Variants in ELMO1 observed in about 807,000 individuals in gnomAD.
ELMO1 encodes the protein engulfment and cell motility 1.
A neutral mutation model predicts 98.9 loss-of-function variants in ELMO1; 26 were observed. That is an observed-to-expected ratio of 0.26 (90% CI 0.19 to 0.36). The LOEUF is 0.36. Ranked by LOEUF, ELMO1 falls within the 10% of genes least tolerant of loss-of-function variation. The pLI is 1.00. For missense variants in ELMO1, 627 were observed against 935.2 expected, an observed-to-expected ratio of 0.67 and a Z score of 4.30; for synonymous variants, 346 against 346.0, an observed-to-expected ratio of 1.00 and a Z score of 0.00.
rs377527698 is a variant in ELMO1, at chr7:37,110,080, G to A, written c.1192-13353C>T. Among the ~76,000 whole-genome samples the A allele has an allele frequency of 9.8e-5, 15 of 152,352 alleles. No homozygotes were observed. The East Asian group carries it at 1.5e-3, about 16-fold the overall frequency. On this transcript the variant is annotated intron_variant, in intron 14 of 21. Transcript: ENST00000310758. ...AGGTATGTAGTGGGTACTGCAGAGA[G>A]GCTGGCTGCTCTTGGTTCCCAAGCA... is the stretch of plus-strand genomic sequence containing the variant.
At chr7:37,344,156 C>T (rs1027328461) in intron 1 of ELMO1, among the ~76,000 whole-genome samples, 2 of 151,198 alleles carry the variant, frequency 1.3e-5, no homozygotes, top group East Asian at 2.0e-4. Context: ...CTCAGCTTCC[C>T]GAGTAGCTGG....
intron 7 of ELMO1, among the ~76,000 whole-genome samples, chr7:37,235,756 A>C (rs542148260): frequency 3.3e-5 from 5 of 152,194 alleles, no homozygotes; most frequent in Middle Eastern, 3.2e-3. Flanking sequence ...AACGTGGTGA[A>C]ACCCCGTCTC....
At chr7:37,287,054 G>C (rs953752048) in intron 4 of ELMO1, among the ~76,000 whole-genome samples, 1 of 151,980 alleles carries the variant, frequency 6.6e-6, no homozygotes, top group African/African-American at 2.4e-5. Context: ...TTAGCCAGGC[G>C]TGGTGGCATA....
At chr7:37,131,295 A>G (rs1444444476) in intron 14 of ELMO1, among the ~76,000 whole-genome samples, 3 of 152,168 alleles carry the variant, frequency 2.0e-5, no homozygotes, top group Admixed American at 6.5e-5. Context: ...AGAAAAGTGC[A>G]TGTGGACCAA....
At chr7:37,328,970 T>C (rs145200384) in intron 2 of ELMO1, among the ~76,000 whole-genome samples, 22 of 152,378 alleles carry the variant, frequency 1.4e-4, no homozygotes, top group African/African-American at 4.1e-4. Flanking sequence ...CTTCCCTCTC[T>C]CCTTCATATT....
chr7:37,290,506 A>G (rs186045245), intron 4 of ELMO1, among the ~76,000 whole-genome samples: 5 of 152,362 alleles, frequency 3.3e-5, no homozygotes, highest in Non-Finnish European at 4.4e-5. Context: ...AAACTATTCA[A>G]TAAGAGCTAT....
At chr7:36,953,449 A>G (rs1788162012) in intron 16 of ELMO1, among the ~76,000 whole-genome samples, 1 of 152,216 alleles carries the variant, frequency 6.6e-6, no homozygotes, top group Admixed American at 6.5e-5. Flanking sequence ...ATTAAACTAG[A>G]CAGAATAGAT....
At chr7:36,947,356 T>A (rs1787582861) in intron 16 of ELMO1, among the ~76,000 whole-genome samples, 1 of 152,102 alleles carries the variant, frequency 6.6e-6, no homozygotes, top group South Asian at 2.1e-4. Context: ...GTGCTCTTAT[T>A]CTCACATTCT....
intron 16 of ELMO1, among the ~76,000 whole-genome samples, chr7:36,940,603 G>C (rs1562841827): frequency 6.6e-6 from 1 of 152,212 alleles, no homozygotes; most frequent in African/African-American, 2.4e-5. Flanking sequence ...CTACTTCAGA[G>C]TTCTGTTGTG....
At chr7:37,119,203 A>G (rs1319487101) in intron 14 of ELMO1, among the ~76,000 whole-genome samples, 1 of 152,228 alleles carries the variant, frequency 6.6e-6, no homozygotes, top group East Asian at 1.9e-4. Flanking sequence ...AAAGGCTGAA[A>G]AGAGATTCCC....
At chr7:37,365,777 T>C (rs111668562) in intron 1 of ELMO1, among the ~76,000 whole-genome samples, 12,281 of 152,318 alleles carry the variant, frequency 0.081, 623 homozygotes, top group Middle Eastern at 0.12. Flanking sequence ...CAACTCACTA[T>C]TTACTTTTTC....
chr7:37,005,692 CAAAAAAAAAAAA>C (rs71553094), intron 16 of ELMO1, among the ~76,000 whole-genome samples: 9 of 37,496 alleles, frequency 2.4e-4, no homozygotes, highest in African/African-American at 2.8e-4. Flanking sequence ...GACTCTGTCT[CAAAAAAAAAAAA>C]AAAAAAAAAA....
intron 1 of ELMO1, among the ~76,000 whole-genome samples, chr7:37,419,461 G>C (rs912416684): frequency 5.9e-5 from 9 of 152,002 alleles, no homozygotes; most frequent in South Asian, 2.1e-4. Context: ...GTCCTCTCAG[G>C]GTTGTTGTAA....
chr7:37,062,449 GT>G (rs1796716073), intron 15 of ELMO1, among the ~76,000 whole-genome samples: 1 of 152,170 alleles, frequency 6.6e-6, no homozygotes, highest in Non-Finnish European at 1.5e-5. Flanking sequence ...GTGGGAAGTG[GT>G]TTAGACACGT....
chr7:37,316,873 TA>T (rs1782302342), intron 2 of ELMO1, among the ~76,000 whole-genome samples: 3 of 152,184 alleles, frequency 2.0e-5, no homozygotes, highest in African/African-American at 7.2e-5. Context: ...CTCCTGTCTA[TA>T]TGAAGGGCAA....
At chr7:37,091,604 C>T (rs1299490404) in intron 15 of ELMO1, among the ~76,000 whole-genome samples, 2 of 152,072 alleles carry the variant, frequency 1.3e-5, no homozygotes, top group Non-Finnish European at 2.9e-5. Flanking sequence ...TCTCACTGAC[C>T]CTGCACACAC....
intron 2 of ELMO1, among the ~76,000 whole-genome samples, chr7:37,329,468 C>T (rs73691246): frequency 1.6e-3 from 238 of 152,106 alleles, no homozygotes; most frequent in African/African-American, 5.4e-3. Flanking sequence ...AAGGTTTGGA[C>T]CCATGTGGGT....
chr7:37,381,004 A>G (rs1374436712), intron 1 of ELMO1, among the ~76,000 whole-genome samples: 1 of 152,258 alleles, frequency 6.6e-6, no homozygotes, highest in Non-Finnish European at 1.5e-5. Flanking sequence ...TAGACCACAA[A>G]AAGAGTACTT....
chr7:37,246,401 T>C (rs561593249), intron 6 of ELMO1, among the ~76,000 whole-genome samples: 3 of 152,186 alleles, frequency 2.0e-5, no homozygotes, highest in East Asian at 1.9e-4. Context: ...GCTGCTAAGG[T>C]AGGGAGAAAG....
Sources: allele counts gnomAD v4.1 joint callset (sites outside exome capture counted in the v4.1 genomes callset), GRCh38; gene constraint gnomAD v4.1.1; transcripts MANE v1.5; gene names NCBI Gene and HGNC (gene_info 2026-07-23, HGNC 2026-07-21).